Variants in CADM1 observed in about 807,000 individuals in gnomAD.
The protein encoded by CADM1 is TSLC-1.
In CADM1, 15 loss-of-function variants were observed where a neutral mutation model predicts 53.1. The observed-to-expected ratio is 0.28, with a 90% CI of 0.19 to 0.44. The LOEUF is 0.44. Among genes scored for constraint, CADM1 ranks in the 20% least tolerant of loss-of-function variants. The probability of loss-of-function intolerance (pLI) is 1.00; values close to 1 mark genes in which losing one functional copy is unlikely to be tolerated. For missense variants in CADM1, 434 were observed against 611.3 expected, an observed-to-expected ratio of 0.71 and a Z score of 3.06; for synonymous variants, 281 against 243.0, an observed-to-expected ratio of 1.16 and a Z score of -1.45.
At chr11:115,398,940 A>G (rs1236740809) in intron 1 of CADM1, 2 of 152,294 alleles carry the variant, frequency 1.3e-5, no homozygotes, top group South Asian at 2.1e-4. Flanking sequence ...CTATTTTTAT[A>G]TGTTCTAGAC....
At chr11:115,373,520 G>C (rs1946360094) in intron 1 of CADM1, among the ~76,000 whole-genome samples, 2 of 146,654 alleles carry the variant, frequency 1.4e-5, no homozygotes. Context: ...GGGAGGTGGA[G>C]GTTGCAGTGA....
chr11:115,369,537 T>TA (rs1435144390), intron 1 of CADM1, among the ~76,000 whole-genome samples: 1 of 152,206 alleles, frequency 6.6e-6, no homozygotes, highest in African/African-American at 2.4e-5. Flanking sequence ...CTCAGATGTT[T>TA]AGAGAAAGAA....
intron 1 of CADM1, among the ~76,000 whole-genome samples, chr11:115,389,411 G>A (rs781095629): frequency 6.6e-6 from 1 of 152,168 alleles, no homozygotes; most frequent in South Asian, 2.1e-4. Flanking sequence ...TCACCTCAAT[G>A]TGGAAAAAGT....
chr11:115,354,257 C>T (rs372532423), intron 1 of CADM1, among the ~76,000 whole-genome samples: 4 of 152,092 alleles, frequency 2.6e-5, no homozygotes, highest in Admixed American at 1.3e-4. Flanking sequence ...TTAGTTCTCA[C>T]GACTCTATAA....
chr11:115,487,249 G>C (rs958995905), intron 1 of CADM1, among the ~76,000 whole-genome samples: 1 of 152,212 alleles, frequency 6.6e-6, no homozygotes, highest in Non-Finnish European at 1.5e-5. Context: ...TGAAATGGTA[G>C]AGTGCTTTGG....
At chr11:115,374,883 C>T (rs1946399918) in intron 1 of CADM1, among the ~76,000 whole-genome samples, 1 of 151,156 alleles carries the variant, frequency 6.6e-6, no homozygotes, top group Non-Finnish European at 1.5e-5. Flanking sequence ...TAGTTATACT[C>T]ACGGACTTCA....
intron 1 of CADM1, among the ~76,000 whole-genome samples, chr11:115,406,497 A>G (rs1947315873): frequency 6.7e-6 from 1 of 148,384 alleles, no homozygotes. Flanking sequence ...TGCATTACAA[A>G]ATATTTATAA....
chr11:115,447,710 G>T (rs1948482262), intron 1 of CADM1, among the ~76,000 whole-genome samples: 2 of 152,150 alleles, frequency 1.3e-5, no homozygotes, highest in Admixed American at 1.3e-4. Context: ...TGGTAGCTTT[G>T]CTGGCACCCT....
At chr11:115,461,482 C>A (rs1302391298) in intron 1 of CADM1, among the ~76,000 whole-genome samples, 2 of 152,064 alleles carry the variant, frequency 1.3e-5, no homozygotes, top group African/African-American at 4.8e-5. Context: ...AGAAACTGAC[C>A]CTGAGCAAAG....
intron 1 of CADM1, among the ~76,000 whole-genome samples, chr11:115,477,461 C>T (rs1440863462): frequency 1.3e-5 from 2 of 152,136 alleles, no homozygotes; most frequent in African/African-American, 2.4e-5. Flanking sequence ...AAAATGTAAG[C>T]CTGTTTTCTA....
intron 1 of CADM1, among the ~76,000 whole-genome samples, chr11:115,486,360 T>C (rs924860321): frequency 1.3e-5 from 2 of 152,210 alleles, no homozygotes; most frequent in Non-Finnish European, 2.9e-5. Context: ...TGTTTATGTA[T>C]TTATTTTTTG....
intron 1 of CADM1, among the ~76,000 whole-genome samples, chr11:115,242,290 A>G (rs187661608): frequency 1.3e-5 from 2 of 150,756 alleles, no homozygotes; most frequent in African/African-American, 4.9e-5. Flanking sequence ...GAGGCTTAGT[A>G]TGCCGAACAG....
At chr11:115,340,976 A>G (rs948953581) in intron 1 of CADM1, among the ~76,000 whole-genome samples, 2 of 151,912 alleles carry the variant, frequency 1.3e-5, no homozygotes, top group Non-Finnish European at 2.9e-5. Context: ...AACTGTCAAT[A>G]CATGCAAATG....
At chr11:115,371,994 C>T (rs1043939402) in intron 1 of CADM1, among the ~76,000 whole-genome samples, 1 of 152,116 alleles carries the variant, frequency 6.6e-6, no homozygotes, top group Non-Finnish European at 1.5e-5. Context: ...TACCTAAAAC[C>T]TTGGCAATGA....
intron 1 of CADM1, among the ~76,000 whole-genome samples, chr11:115,271,264 T>C (rs1943288716): frequency 6.6e-6 from 1 of 151,738 alleles, no homozygotes; most frequent in African/African-American, 2.4e-5. Context: ...ATAGTTTATG[T>C]TGTTGTTGTT....
chr11:115,483,219 T>C (rs909605237), intron 1 of CADM1, among the ~76,000 whole-genome samples: 2 of 152,354 alleles, frequency 1.3e-5, no homozygotes, highest in Non-Finnish European at 1.5e-5. Context: ...TTAAGAACTT[T>C]AAATCAAGTT....
intron 1 of CADM1, among the ~76,000 whole-genome samples, chr11:115,493,791 A>T (rs1949550469): frequency 1.3e-5 from 2 of 152,158 alleles, no homozygotes; most frequent in Admixed American, 1.3e-4. Flanking sequence ...AGAACATTCT[A>T]CAAAAGAGCA....
intron 1 of CADM1, among the ~76,000 whole-genome samples, chr11:115,327,060 A>G (rs544947507): frequency 6.6e-6 from 1 of 152,314 alleles, no homozygotes; most frequent in African/African-American, 2.4e-5. Context: ...AACATTTTAC[A>G]TATAAAAACA....
At chr11:115,431,467 A>T (rs1948048847) in intron 1 of CADM1, among the ~76,000 whole-genome samples, 1 of 152,082 alleles carries the variant, frequency 6.6e-6, no homozygotes, top group South Asian at 2.1e-4. Context: ...CCCCTCTACA[A>T]GGTAACCACA....
Sources: allele counts gnomAD v4.1 joint callset (sites outside exome capture counted in the v4.1 genomes callset), GRCh38; gene constraint gnomAD v4.1.1; transcripts MANE v1.5; gene names NCBI Gene and HGNC (gene_info 2026-07-23, HGNC 2026-07-21).